The following VIPR2 variants were observed in gnomAD, a reference collection of about 807,000 sequenced individuals.
VIPR2 encodes the protein vasoactive intestinal peptide receptor 2.
Under a neutral mutation model 58.0 loss-of-function variants are expected in VIPR2, and 48 were observed. The observed-to-expected ratio is 0.83, with a 90% CI of 0.66 to 1.05. VIPR2 has a LOEUF of 1.05. Among genes scored for constraint, VIPR2 ranks in the 50% least tolerant of loss-of-function variants. The pLI is 0.00. For synonymous variants in VIPR2, 243 were observed against 235.2 expected, an observed-to-expected ratio of 1.03 and a Z score of -0.30; for missense variants, 534 against 558.0, an observed-to-expected ratio of 0.96 and a Z score of 0.43.
intron 10 of VIPR2, among the ~76,000 whole-genome samples, chr7:159,032,413 G>A (rs1273339085): frequency 6.6e-6 from 1 of 152,178 alleles, no homozygotes; most frequent in African/African-American, 2.4e-5. Flanking sequence ...CTGGGAGCCC[G>A]GCCCATCCTG....
intron 3 of VIPR2, 96 bp from the exon 4 acceptor site, chr7:159,103,950 G>T: frequency 9.5e-7 from 1 of 1,050,714 alleles, no homozygotes; most frequent in Non-Finnish European, 1.4e-6. Flanking sequence ...CTATTAAAAT[G>T]CTTCCCACAC....
intron 7 of VIPR2, among the ~76,000 whole-genome samples, chr7:159,036,353 T>C (rs1853957186): frequency 6.6e-6 from 1 of 152,186 alleles, no homozygotes; most frequent in Non-Finnish European, 1.5e-5. Flanking sequence ...TGCCTCATCC[T>C]GTCCATGAGG....
At chr7:159,134,210 T>C (rs1797102037) in intron 2 of VIPR2, among the ~76,000 whole-genome samples, 1 of 152,250 alleles carries the variant, frequency 6.6e-6, no homozygotes, top group Non-Finnish European at 1.5e-5. Flanking sequence ...TGTCCTGTGC[T>C]GAGAAAGTAC....
At chr7:159,140,002 C>T (rs1339043569) in intron 2 of VIPR2, among the ~76,000 whole-genome samples, 2 of 152,208 alleles carry the variant, frequency 1.3e-5, no homozygotes. Context: ...CAAATAACTC[C>T]TAAGCTTACA....
Position 159,097,041 on chromosome 7 carries a change from G to A in VIPR2, c.357+6716C>T, listed in dbSNP as rs1173026910. On this transcript the variant is annotated intron_variant, in intron 4 of 12. Coordinates refer to ENST00000262178, the MANE Select transcript of VIPR2 (RefSeq NM_003382.5). This position sits in a 1 kb window ranked among gnomAD's most constrained non-coding sequence, Gnocchi z 5.3. ...GTGATTTGGGGCAGGCCGCTCTGGG[G>A]GTCTCTGGCAGGCTCCTCCTGGCAC... 2.6e-6 allele frequency: 4 copies of A among 1,549,414 alleles called. No individual in the cohort carries two copies. The highest frequency in any genetic ancestry group is 3.5e-6 in the Non-Finnish European group (4 of 1,146,222).
chr7:159,062,167 G>C (rs1172551388), intron 4 of VIPR2, among the ~76,000 whole-genome samples: 2 of 152,200 alleles, frequency 1.3e-5, no homozygotes, highest in African/African-American at 2.4e-5. Context: ...CTTCCCGACG[G>C]AGACGGGAGA....
At chr7:159,113,271 G>A (rs1796109200) in intron 2 of VIPR2, among the ~76,000 whole-genome samples, 1 of 151,996 alleles carries the variant, frequency 6.6e-6, no homozygotes, top group Non-Finnish European at 1.5e-5. Flanking sequence ...TGTATAGAAA[G>A]ACACTGTGAA....
intron 8 of VIPR2, 38 bp downstream of exon 8, chr7:159,035,914 G>C (rs780692900): frequency 6.2e-7 from 1 of 1,601,576 alleles, no homozygotes; most frequent in Non-Finnish European, 8.5e-7. Flanking sequence ...GATGTTGCCG[G>C]GCCCGTTTTC....
chr7:159,031,651 G>A lies in VIPR2; in HGVS notation c.1143+177C>T. The A allele has an allele frequency of 3.0e-6, 3 of 985,428 alleles. No homozygotes were observed. The highest frequency in any genetic ancestry group is 3.6e-6 in the Non-Finnish European group (3 of 829,932). 61.0% of individuals were successfully genotyped at this position (985,428 alleles called of 1,614,324 possible). ...GGGTTTGGAAGCTGGGCCCAGAAGA[G>A]TGGGTTTGCCTGTGTCGTTGTGGGT... On this transcript the variant is annotated intron_variant, in intron 12 of 12. Coordinates refer to ENST00000262178, the MANE Select transcript of VIPR2 (RefSeq NM_003382.5). This position sits in a 1 kb window ranked among gnomAD's most constrained non-coding sequence, Gnocchi z 4.0.
chr7:159,064,419 T>A lies in VIPR2; in HGVS notation c.358-5841A>T, dbSNP rs532148208. Reference sequence around the variant, plus strand: ...AGGAAGGGATGGAGACGGAGTGGAATTGGCGGCTCCTGAGGCAGCAGTGTC... The same window carrying A: ...AGGAAGGGATGGAGACGGAGTGGAAATGGCGGCTCCTGAGGCAGCAGTGTC... On this transcript the variant is annotated intron_variant, in intron 4 of 12. Transcript: ENST00000262178. 2.0e-5 allele frequency among the ~76,000 whole-genome samples: 3 copies of A among 152,056 alleles called. No homozygotes were observed. The South Asian group carries it at 6.2e-4, about 32-fold the overall frequency.
At chr7:159,072,009 G>A (rs1284366677) in intron 4 of VIPR2, among the ~76,000 whole-genome samples, 1 of 144,156 alleles carries the variant, frequency 6.9e-6, no homozygotes, top group African/African-American at 2.6e-5. Context: ...CGATGGTACC[G>A]GCAGGTAAGA....
intron 10 of VIPR2, among the ~76,000 whole-genome samples, chr7:159,033,409 G>A (rs1218948629): frequency 6.6e-6 from 1 of 152,200 alleles, no homozygotes; most frequent in Non-Finnish European, 1.5e-5. Context: ...TGAGCCCGAG[G>A]CACCTTCTGG....
At chr7:159,074,067 T>G (rs948598669) in intron 4 of VIPR2, among the ~76,000 whole-genome samples, 1 of 152,166 alleles carries the variant, frequency 6.6e-6, no homozygotes, top group African/African-American at 2.4e-5. Context: ...CAAAATGAAA[T>G]TTTTTACACA....
rs375985330 is a variant in VIPR2 at position 159,141,203 on chromosome 7, C to T, written c.151+1243G>A. Among the ~76,000 whole-genome samples the T allele has an allele frequency of 9.8e-5, 15 of 152,366 alleles. No individual in the cohort carries two copies. The East Asian group carries it at 2.5e-3, about 26-fold the overall frequency. On this transcript the variant is annotated intron_variant, in intron 2 of 12. Coordinates refer to ENST00000262178, the MANE Select transcript of VIPR2 (RefSeq NM_003382.5). Reference sequence around the variant, plus strand: ...ATCCACATCTCCTGGGCCGCATCAGCATTTCCCAGGACAGACTCTCAGCAT... The same window carrying T: ...ATCCACATCTCCTGGGCCGCATCAGTATTTCCCAGGACAGACTCTCAGCAT...
intron 2 of VIPR2, among the ~76,000 whole-genome samples, chr7:159,113,857 G>A (rs905383670): frequency 3.9e-5 from 6 of 152,054 alleles, no homozygotes; most frequent in African/African-American, 1.4e-4. Flanking sequence ...TGTAAATTGG[G>A]AGGAAGAAAG....
chr7:159,043,293 A>G, intron 5 of VIPR2, 117 bp from the exon 6 acceptor site: 4 of 914,554 alleles, frequency 4.4e-6, no homozygotes, highest in Non-Finnish European at 6.1e-6. Flanking sequence ...AAAATAAAAG[A>G]GTTGAGGGCA....
At chr7:159,125,539 G>A (rs1796621815) in intron 2 of VIPR2, among the ~76,000 whole-genome samples, 1 of 152,194 alleles carries the variant, frequency 6.6e-6, no homozygotes. Context: ...TCCTGCAGCA[G>A]CTGTCCACCT....
chr7:159,077,259 T>C (rs542256435), intron 4 of VIPR2, among the ~76,000 whole-genome samples: 1 of 151,074 alleles, frequency 6.6e-6, no homozygotes, highest in African/African-American at 2.5e-5. Flanking sequence ...TATCAGATTC[T>C]AGCCCTGTTC....
At chr7:159,057,604 A>G (rs1335481203) in intron 5 of VIPR2, among the ~76,000 whole-genome samples, 1 of 152,216 alleles carries the variant, frequency 6.6e-6, no homozygotes, top group African/African-American at 2.4e-5. Context: ...AAACATTTCG[A>G]TTACATTTTA....
Sources: allele counts gnomAD v4.1 joint callset (sites outside exome capture counted in the v4.1 genomes callset), GRCh38; gene constraint gnomAD v4.1.1; non-coding constraint Gnocchi (gnomAD v3.1); transcripts MANE v1.5; gene names NCBI Gene and HGNC (gene_info 2026-07-23, HGNC 2026-07-21).